SGCG: variants seen among roughly 807,000 people sequenced by gnomAD.
The protein encoded by SGCG is sarcoglycan gamma, also known as gamma-sarcoglycan.
In SGCG, 26 loss-of-function variants were observed where a neutral mutation model predicts 29.3. That is an observed-to-expected ratio of 0.89 (90% CI 0.65 to 1.23). The LOEUF is 1.23. SGCG is among the 50% of genes most tolerant of loss of function. The pLI, the probability that SGCG is intolerant of heterozygous loss-of-function variation, is 0.00. For synonymous variants in SGCG, 145 were observed against 129.7 expected (o/e 1.12, Z -0.80); for missense variants, 353 against 356.0 (o/e 0.99, Z 0.07).
intron 5 of SGCG, among the ~76,000 whole-genome samples, chr13:23,283,972 C>T (rs992095535): frequency 1.3e-5 from 2 of 152,196 alleles, no homozygotes; most frequent in African/African-American, 4.8e-5. Flanking sequence ...GCAGAGACAT[C>T]CACTGTTAGT....
intron 4 of SGCG, among the ~76,000 whole-genome samples, chr13:23,254,941 C>T (rs1880120057): frequency 6.6e-6 from 1 of 152,220 alleles, no homozygotes; most frequent in South Asian, 2.1e-4. Flanking sequence ...CAGCTTGCAC[C>T]TAGGTTTCAG....
the SGCG span, among the ~76,000 whole-genome samples, chr13:23,170,783 G>A: frequency 6.6e-6 from 1 of 152,196 alleles, no homozygotes; most frequent in Non-Finnish European, 1.5e-5. Context: ...GAGGAGCGCA[G>A]TGACCCTCAG....
intron 7 of SGCG, among the ~76,000 whole-genome samples, chr13:23,323,388 C>T (rs753393498): frequency 6.6e-6 from 1 of 152,190 alleles, no homozygotes; most frequent in African/African-American, 2.4e-5. Flanking sequence ...AGGTGCACAC[C>T]GGCGAATGCG....
intron 1 of SGCG, among the ~76,000 whole-genome samples, chr13:23,188,273 A>G (rs1052362217): frequency 7.7e-6 from 1 of 129,932 alleles, no homozygotes; most frequent in Non-Finnish European, 1.6e-5. Context: ...TCTTGGTAGG[A>G]TTTCTCTCTC....
chr13:23,288,807 G>A (rs952383613), intron 5 of SGCG, among the ~76,000 whole-genome samples: 4 of 152,276 alleles, frequency 2.6e-5, no homozygotes, highest in African/African-American at 7.2e-5. Flanking sequence ...TGCCCTAAGT[G>A]TATTTTAGCT....
chr13:23,310,820 G>A (rs1882569719), intron 6 of SGCG, among the ~76,000 whole-genome samples: 2 of 151,980 alleles, frequency 1.3e-5, no homozygotes, highest in South Asian at 4.1e-4. Context: ...TGTCAACCAA[G>A]TCTACATCAA....
chr13:23,182,579 A>G (rs1182066265), intron 1 of SGCG, among the ~76,000 whole-genome samples: 1 of 152,050 alleles, frequency 6.6e-6, no homozygotes, highest in African/African-American at 2.4e-5. Context: ...AGGATCCATC[A>G]CTTGCTACTT....
At chr13:23,290,881 G>C (rs2137636529) in intron 5 of SGCG, among the ~76,000 whole-genome samples, 1 of 152,264 alleles carries the variant, frequency 6.6e-6, no homozygotes, top group East Asian at 1.9e-4. Flanking sequence ...GCAAAGAATG[G>C]AACAACTTAG....
chr13:23,282,480 C>G (rs1344476850), intron 5 of SGCG, among the ~76,000 whole-genome samples: 1 of 152,194 alleles, frequency 6.6e-6, no homozygotes, highest in Admixed American at 6.5e-5. Context: ...TCTCCCTCCT[C>G]CCATCCTCCA....
intron 2 of SGCG, among the ~76,000 whole-genome samples, chr13:23,229,636 T>C (rs977644070): frequency 7.9e-5 from 12 of 152,212 alleles, no homozygotes; most frequent in Non-Finnish European, 1.5e-4. Flanking sequence ...ATGAGGTTGT[T>C]TGTTCTTCAT....
chr13:23,224,598 A>G (rs1399133381), intron 2 of SGCG, among the ~76,000 whole-genome samples: 9 of 152,078 alleles, frequency 5.9e-5, no homozygotes, highest in African/African-American at 2.2e-4. Context: ...CCTACACTAC[A>G]TGGGCAAATG....
At chr13:23,177,256 G>T (rs1876586745), upstream of SGCG, among the ~76,000 whole-genome samples, 1 of 152,114 alleles carries the variant, frequency 6.6e-6, no homozygotes, top group Admixed American at 6.5e-5. Flanking sequence ...TGGTCAGTGG[G>T]TAAAAAGTTA....
chr13:23,286,800 A>T (rs1255193132), intron 5 of SGCG, among the ~76,000 whole-genome samples: 1 of 152,222 alleles, frequency 6.6e-6, no homozygotes, highest in Non-Finnish European at 1.5e-5. Flanking sequence ...ATGATGTGAG[A>T]TGAGAAAATG....
At chr13:23,290,207 G>A (rs1290714161) in intron 5 of SGCG, among the ~76,000 whole-genome samples, 2 of 152,152 alleles carry the variant, frequency 1.3e-5, no homozygotes, top group African/African-American at 2.4e-5. Context: ...TTTTAGACAC[G>A]TAAATTGAAG....
upstream of SGCG, among the ~76,000 whole-genome samples, chr13:23,178,054 G>A (rs552143717): frequency 6.6e-6 from 1 of 152,276 alleles, no homozygotes; most frequent in Non-Finnish European, 1.5e-5. Flanking sequence ...TGTGTGTCAG[G>A]TCAAGAACTT....
chr13:23,174,497 GA>G, the SGCG span, among the ~76,000 whole-genome samples: 6 of 151,590 alleles, frequency 4.0e-5, no homozygotes, highest in East Asian at 1.9e-4. Flanking sequence ...ACATTTCAAG[GA>G]AAAAAAATGG....
chr13:23,227,162 G>C (rs937930251), intron 2 of SGCG, among the ~76,000 whole-genome samples: 1 of 152,084 alleles, frequency 6.6e-6, no homozygotes, highest in Non-Finnish European at 1.5e-5. Context: ...ACAATGTGTT[G>C]GCTGCCTGTC....
At chr13:23,279,713 T>C (rs1456071768) in intron 5 of SGCG, among the ~76,000 whole-genome samples, 3 of 151,612 alleles carry the variant, frequency 2.0e-5, no homozygotes, top group African/African-American at 7.3e-5. Context: ...CTTTGTCCCT[T>C]CCTTCCTCCC....
chr13:23,222,587 A>T (rs2137529721), intron 2 of SGCG, among the ~76,000 whole-genome samples: 1 of 152,198 alleles, frequency 6.6e-6, no homozygotes, highest in East Asian at 1.9e-4. Context: ...GCACTTAGGG[A>T]GGCTGAGGTG....
Sources: allele counts gnomAD v4.1 joint callset (sites outside exome capture counted in the v4.1 genomes callset), GRCh38; gene constraint gnomAD v4.1.1; transcripts MANE v1.5; gene names NCBI Gene and HGNC (gene_info 2026-07-23, HGNC 2026-07-21).